The following TTN variants were observed in gnomAD, a reference collection of about 807,000 sequenced individuals.
The protein encoded by TTN is titin, also known as connectin.
TTN carries 1,525 observed loss-of-function variants against 3,223.0 expected under a neutral mutation model. That is an observed-to-expected ratio of 0.47 (90% CI 0.45 to 0.49). The LOEUF is 0.49. TTN is among the 20% of genes least tolerant of loss of function. The pLI is 0.00. For synonymous variants in TTN, 14,094 were observed against 15,161.0 expected (o/e 0.93, Z 5.17); for missense variants, 40,786 against 43,424.0 (o/e 0.94, Z 5.40).
chr2:178,683,103 C>A (rs1010009979), intron 134 of TTN, 108 bp downstream of exon 134: 5 of 966,602 alleles, frequency 5.2e-6, no homozygotes, highest in Non-Finnish European at 8.1e-6. Flanking sequence ...ATATACCCTG[C>A]CCTTAATCAA....
intron 274 of TTN, 40 bp downstream of exon 274, chr2:178,608,566 A>G (rs748410296): frequency 3.1e-6 from 5 of 1,588,730 alleles, no homozygotes; most frequent in African/African-American, 1.4e-5. Flanking sequence ...ACCAAAGTAC[A>G]TGGTAAAAAG....
At chr2:178,631,424 A>C (rs939947759) in intron 236 of TTN, 124 bp from the exon 237 acceptor site, 3 of 1,067,616 alleles carry the variant, frequency 2.8e-6, no homozygotes, top group Non-Finnish European at 3.9e-6. Flanking sequence ...CAAGTGTTCA[A>C]TCATTTAACC....
chr2:178,624,762 C>T, intron 241 of TTN, 31 bp from the exon 242 acceptor site: 1 of 1,604,642 alleles, frequency 6.2e-7, no homozygotes, highest in Non-Finnish European at 8.5e-7. Context: ...AGCCAAGGTA[C>T]TCCTTTCCTT....
At chr2:178,695,815 T>C in intron 114 of TTN, 50 bp downstream of exon 114, 1 of 1,334,472 alleles carries the variant, frequency 7.5e-7, no homozygotes, top group Non-Finnish European at 9.7e-7. Context: ...TTTAATGAAC[T>C]GAGCAAAAAT....
Position 178,673,697 on chromosome 2 carries a change from A to C in TTN, c.34722T>G (p.Ile11574Met). The change falls in exon 152 of 363, where the codon ATT becomes ATG. Residue 11574 changes from isoleucine to methionine, a missense_variant. Physicochemically the swap from Ile to Met is conservative, Grantham distance 10. Coordinates refer to ENST00000589042, the MANE Select transcript of TTN (RefSeq NM_001267550.2). ...EVAPPRVPEV[I>M]KKAVPEAPTP... Reference sequence around the variant, plus strand: ...TAGGTGCTTCAGGTACTGCTTTCTTAATCACTTCAGGCACTTAAAAGAAAT... The same window carrying C: ...TAGGTGCTTCAGGTACTGCTTTCTTCATCACTTCAGGCACTTAAAAGAAAT... 6.3e-7 allele frequency: 1 copy of C among 1,590,638 alleles called. No individual in the cohort carries two copies. The highest frequency in any genetic ancestry group is 1.8e-5 in the Admixed American group (1 of 56,214).
chr2:178,664,978 A>T (rs765623530), intron 165 of TTN, 52 bp from the exon 166 acceptor site: 6 of 1,537,130 alleles, frequency 3.9e-6, no homozygotes, highest in African/African-American at 2.7e-5. Context: ...TTAATGGAAA[A>T]CAGTAACCAC....
At position 178,588,847 on chromosome 2, in the gene TTN, T is replaced by G. The variant is rs1440323522; in HGVS notation, c.62878A>C (p.Lys20960Gln). Reference sequence around the variant, plus strand: ...TCAGGGCGACCAGGTTTATCATACTTGGTTTTGGCTATGACTGGTTTACTT... The same window carrying G: ...TCAGGGCGACCAGGTTTATCATACTGGGTTTTGGCTATGACTGGTTTACTT... ...TESKPVIAKT[K>Q]YDKPGRPDPP... Residue 20960 changes from lysine to glutamine, a missense_variant, in exon 304 of 363, where the codon AAG (lysine) becomes CAG (glutamine). Physicochemically the swap from Lys to Gln is moderately conservative, Grantham distance 53. Transcript: ENST00000589042. 5.6e-6 allele frequency: 9 copies of G among 1,613,406 alleles called. No homozygotes were observed. The highest frequency in any genetic ancestry group is 7.6e-6 in the Non-Finnish European group (9 of 1,179,616).
rs368910900 is a variant in TTN, at chr2:178,588,753, C to G, written c.62972G>C (p.Gly20991Ala). 1 of 1,613,104 alleles carries G rather than the reference C, an allele frequency of 6.2e-7. No homozygotes were observed. The highest frequency in any genetic ancestry group is 1.3e-5 in the African/African-American group (1 of 74,856). Reference protein sequence around the residue: ...TVVWNPPEYDGGKSITGYFLE... With the variant: ...TVVWNPPEYDAGKSITGYFLE... ...AAAGTATCCAGTTATAGACTTTCCACCATCATATTCAGGTGGATTCCAAAC... is the reference window on the plus strand; with the variant it reads ...AAAGTATCCAGTTATAGACTTTCCAGCATCATATTCAGGTGGATTCCAAAC... The change falls in exon 304 of 363, where the codon GGT (glycine) becomes GCT (alanine). Residue 20991 changes from glycine to alanine, a missense_variant. Transcript: ENST00000589042.
In TTN at chr2:178,583,247, AG is replaced by A. The variant is rs1559518332; in HGVS notation, c.65576-21del. The A allele has an allele frequency of 6.5e-7, 1 of 1,541,608 alleles. No homozygotes were observed. Among genetic ancestry groups the A allele is most frequent in the African/African-American group, 1.4e-5 (1 of 72,758 alleles). On this transcript the variant is annotated intron_variant, in intron 312 of 362. Coordinates refer to ENST00000589042, the MANE Select transcript of TTN (RefSeq NM_001267550.2). ...GAGGGACTGGAAAGAAATAAGATAAAGGACTTAATGTATGCAAAGCTATATT... is the reference window on the plus strand; with the variant it reads ...GAGGGACTGGAAAGAAATAAGATAAAGACTTAATGTATGCAAAGCTATATT...
Position 178,689,374 on chromosome 2 carries a change from C to G in TTN, c.31928-1G>C. 1 of 1,613,594 alleles carries G rather than the reference C, an allele frequency of 6.2e-7. No homozygotes were observed. Among genetic ancestry groups the G allele is most frequent in the South Asian group, 1.1e-5 (1 of 91,048 alleles). On this transcript the variant is annotated splice_acceptor_variant, in intron 123 of 362. Transcript: ENST00000589042. LOFTEE classifies it high-confidence loss of function. Reference sequence around the variant, plus strand: ...ACTTTCTTCTTTGGTATTTCTGGCACTTAAAGGATAGTATTGAATTTTAAA... The same window carrying G: ...ACTTTCTTCTTTGGTATTTCTGGCAGTTAAAGGATAGTATTGAATTTTAAA...
Position 178,689,595 on chromosome 2 carries a change from AC to A in TTN, c.31847-1del. ...CACAACTCCCTTCTGTACTTCAGGAACTTGAAGAGACATTTTTAGAATTGAC... is the reference window on the plus strand; with the variant it reads ...CACAACTCCCTTCTGTACTTCAGGAATTGAAGAGACATTTTTAGAATTGAC... On this transcript the variant is annotated splice_acceptor_variant, in intron 122 of 362. Transcript: ENST00000589042. LOFTEE classifies it high-confidence loss of function. 1.3e-6 allele frequency: 2 copies of A among 1,590,946 alleles called. No individual in the cohort carries two copies. Among genetic ancestry groups the A allele is most frequent in the Non-Finnish European group, 1.7e-6 (2 of 1,171,818 alleles).
intron 47 of TTN, chr2:178,745,989 C>G (rs72648914): frequency 6.2e-7 from 1 of 1,612,592 alleles, no homozygotes; most frequent in Non-Finnish European, 8.5e-7. Context: ...TCAGAATCTC[C>G]CATGGTGAGG....
intron 45 of TTN, among the ~76,000 whole-genome samples, chr2:178,757,231 T>TACTGTACTTGCTTTAAGTG (rs1252574568): frequency 6.7e-6 from 1 of 148,874 alleles, no homozygotes; most frequent in Non-Finnish European, 1.5e-5. Flanking sequence ...TAAGTAATAA[T>TACTGTACTTGCTTTAAGTG]CAGCAAATAG....
chr2:178,693,758 C>A, intron 118 of TTN, 69 bp from the exon 119 acceptor site: 1 of 1,320,068 alleles, frequency 7.6e-7, no homozygotes, highest in Non-Finnish European at 1.0e-6. Flanking sequence ...TTACAAAGAA[C>A]ATTAAAATAA....
At chr2:178,642,186 T>G in intron 219 of TTN, 51 bp downstream of exon 219, 1 of 1,446,168 alleles carries the variant, frequency 6.9e-7, no homozygotes, top group Non-Finnish European at 9.3e-7. Context: ...GCTTTCAAGT[T>G]CATTTTTAAA....
At position 178,616,534 on chromosome 2, in the gene TTN, G is replaced by A. The variant is rs567496224; in HGVS notation, c.48257C>T (p.Pro16086Leu). 2.2e-5 allele frequency: 35 copies of A among 1,612,172 alleles called. No individual in the cohort carries two copies. The highest frequency in any genetic ancestry group is 3.3e-5 in the Admixed American group (2 of 59,892). The change falls in exon 257 of 363, where the codon CCG (proline) becomes CTG (leucine). Residue 16086 changes from proline to leucine, a missense_variant. Pro to Leu is a moderately conservative substitution (Grantham distance 98). Transcript: ENST00000589042. ...TTTTTCAACAACGTATCCAGTTAAC[G>A]GACTTCCTCCATCATCATCAGGTGG... ...WEPPDDDGGS[P>L]LTGYVVEKRE...
rs939014361 is a variant in TTN, at chr2:178,672,004, C to T, written c.35194G>A (p.Glu11732Lys). Residue 11732 changes from glutamate (E) to lysine (K), a missense_variant, in exon 155 of 363, where the codon GAA becomes AAA. Transcript: ENST00000589042. ...GGAGCTTTTGGTTTTTCAAATACTT[C>T]CACTTCTTCAGCCTCAAAAACTTCT... ...VIEVFEAEEV[E>K]VFEKPKAPPK... 8.7e-6 allele frequency: 14 copies of T among 1,606,008 alleles called. No homozygotes were observed. In the African/African-American group the frequency reaches 1.7e-4, roughly 20 times the overall value.
chr2:178,602,329 G>A lies in TTN; in HGVS notation c.55073C>T (p.Ser18358Phe). The change falls in exon 283 of 363, where the codon TCT becomes TTT. Residue 18358 changes from serine (S) to phenylalanine (F), a missense_variant. Transcript: ENST00000589042. ...CTCCCCAGTTGTATCACTTGGTTCAGATTCACCAGCTTCATTGACAGCTTT... is the reference window on the plus strand; with the variant it reads ...CTCCCCAGTTGTATCACTTGGTTCAAATTCACCAGCTTCATTGACAGCTTT... The part of the protein sequence containing the change: ...RVKAVNEAGE[S>F]EPSDTTGEIP... 1 of 1,612,886 alleles carries A rather than the reference G, an allele frequency of 6.2e-7. No individual in the cohort carries two copies. The highest frequency in any genetic ancestry group is 8.5e-7 in the Non-Finnish European group (1 of 1,179,298).
intron 308 of TTN, 95 bp from the exon 309 acceptor site, chr2:178,585,442 A>G (rs955663610): frequency 2.1e-5 from 29 of 1,372,078 alleles, no homozygotes; most frequent in South Asian, 3.0e-5. Flanking sequence ...TTGTATTACC[A>G]CCAATTTTTT....
Sources: allele counts gnomAD v4.1 joint callset (sites outside exome capture counted in the v4.1 genomes callset), GRCh38; gene constraint gnomAD v4.1.1; transcripts MANE v1.5; gene names NCBI Gene and HGNC (gene_info 2026-07-23, HGNC 2026-07-21).